Variants in TNFSF4 observed in about 807,000 individuals in gnomAD.
TNFSF4 encodes TNF superfamily member 4.
Under a neutral mutation model 7.3 loss-of-function variants are expected in TNFSF4, and 4 were observed. That is an observed-to-expected ratio of 0.55 (90% CI 0.27 to 1.25). TNFSF4 has a LOEUF of 1.25. Ranked by LOEUF, TNFSF4 falls within the 50% of genes most tolerant of loss-of-function variation. TNFSF4 has a pLI of 0.12. For synonymous variants in TNFSF4, 76 were observed against 83.7 expected (o/e 0.91, Z 0.50); for missense variants, 181 against 208.8 (o/e 0.87, Z 0.82).
the TNFSF4 span, among the ~76,000 whole-genome samples, chr1:173,442,508 T>G: frequency 6.6e-6 from 1 of 152,046 alleles, no homozygotes; most frequent in Non-Finnish European, 1.5e-5. Flanking sequence ...CGGGTTTTTT[T>G]GTTTGTTTGG....
chr1:173,351,520 C>T, the TNFSF4 span, among the ~76,000 whole-genome samples: 1 of 151,762 alleles, frequency 6.6e-6, no homozygotes, highest in South Asian at 2.1e-4. Flanking sequence ...AGGGATTGAA[C>T]TTCATTTTGG....
the TNFSF4 span, among the ~76,000 whole-genome samples, chr1:173,422,959 C>CAT: frequency 4.9e-4 from 67 of 136,808 alleles, no homozygotes; most frequent in South Asian, 3.4e-3. Context: ...ATGTTACATA[C>CAT]ATATATATAT....
At chr1:173,220,186 T>A in the TNFSF4 span, among the ~76,000 whole-genome samples, 9,919 of 151,968 alleles carry the variant, frequency 0.065, 450 homozygotes, top group East Asian at 0.21. Flanking sequence ...AAGTTTTTTT[T>A]AAAAAAAAGC....
chr1:173,403,795 G>A, the TNFSF4 span, among the ~76,000 whole-genome samples: 1 of 152,002 alleles, frequency 6.6e-6, no homozygotes, highest in African/African-American at 2.4e-5. Flanking sequence ...CCAGCTACTT[G>A]GGAGGCTGAG....
At chr1:173,231,011 G>A in the TNFSF4 span, among the ~76,000 whole-genome samples, 1 of 152,154 alleles carries the variant, frequency 6.6e-6, no homozygotes, top group Non-Finnish European at 1.5e-5. Context: ...AATTCTACCA[G>A]AGGTACAAGG....
At chr1:173,410,577 G>T in the TNFSF4 span, among the ~76,000 whole-genome samples, 12 of 152,128 alleles carry the variant, frequency 7.9e-5, no homozygotes, top group African/African-American at 2.7e-4. Flanking sequence ...CAATGGGAGG[G>T]AACATTCAAA....
At chr1:173,378,253 A>G in the TNFSF4 span, among the ~76,000 whole-genome samples, 192 of 150,952 alleles carry the variant, frequency 1.3e-3, no homozygotes, top group Non-Finnish European at 1.7e-3. Flanking sequence ...CTACTGCATC[A>G]GTGAGCACAA....
the TNFSF4 span, among the ~76,000 whole-genome samples, chr1:173,291,518 T>C: frequency 4.6e-5 from 7 of 152,178 alleles, no homozygotes; most frequent in Non-Finnish European, 8.8e-5. Flanking sequence ...GGAAAGTTTA[T>C]AGCACAAAGT....
chr1:173,430,587 TTCTC>T, the TNFSF4 span, among the ~76,000 whole-genome samples: 2 of 152,212 alleles, frequency 1.3e-5, no homozygotes, highest in Admixed American at 1.3e-4. Context: ...GGTATTCACA[TTCTC>T]TAACAGATTC....
At chr1:173,390,970 T>C in the TNFSF4 span, among the ~76,000 whole-genome samples, 2 of 152,016 alleles carry the variant, frequency 1.3e-5, no homozygotes, top group East Asian at 3.9e-4. Flanking sequence ...GGTCTCAAAA[T>C]CCTGAACTCA....
chr1:173,285,047 A>C, the TNFSF4 span, among the ~76,000 whole-genome samples: 18 of 152,286 alleles, frequency 1.2e-4, no homozygotes, highest in Middle Eastern at 6.8e-3. Flanking sequence ...TCCATTGAAA[A>C]CTTTCTGGAA....
chr1:173,201,835 C>A (rs1649954058), intron 1 of TNFSF4, among the ~76,000 whole-genome samples: 1 of 152,066 alleles, frequency 6.6e-6, no homozygotes, highest in Non-Finnish European at 1.5e-5. Flanking sequence ...CAGTTTCAAT[C>A]CAACTCTACC....
chr1:173,308,948 C>T, the TNFSF4 span, among the ~76,000 whole-genome samples: 1 of 151,948 alleles, frequency 6.6e-6, no homozygotes, highest in African/African-American at 2.4e-5. Flanking sequence ...CATCCTTCCA[C>T]TGCATTCCAG....
the TNFSF4 span, among the ~76,000 whole-genome samples, chr1:173,317,070 G>A: frequency 6.6e-6 from 1 of 152,136 alleles, no homozygotes; most frequent in Non-Finnish European, 1.5e-5. Flanking sequence ...AAAACTTGCA[G>A]TTTCTGGGCC....
the TNFSF4 span, among the ~76,000 whole-genome samples, chr1:173,272,418 G>T: frequency 6.6e-6 from 1 of 151,858 alleles, no homozygotes; most frequent in Non-Finnish European, 1.5e-5. Flanking sequence ...GGAAAAAATT[G>T]CATGCCCATT....
chr1:173,428,236 C>G, the TNFSF4 span, among the ~76,000 whole-genome samples: 1 of 152,342 alleles, frequency 6.6e-6, no homozygotes, highest in South Asian at 2.1e-4. Flanking sequence ...TGAGCCACCA[C>G]GCCCGACCTC....
the TNFSF4 span, among the ~76,000 whole-genome samples, chr1:173,247,872 C>A: frequency 6.6e-6 from 1 of 152,098 alleles, no homozygotes; most frequent in African/African-American, 2.4e-5. Context: ...TATAAGCCAG[C>A]AGAAATGATA....
At chr1:173,258,361 C>T in the TNFSF4 span, among the ~76,000 whole-genome samples, 2 of 152,162 alleles carry the variant, frequency 1.3e-5, no homozygotes, top group East Asian at 1.9e-4. Flanking sequence ...AAATGGCCCA[C>T]CCGAGAGCAG....
chr1:173,241,533 C>T, the TNFSF4 span, among the ~76,000 whole-genome samples: 1 of 152,230 alleles, frequency 6.6e-6, no homozygotes, highest in Non-Finnish European at 1.5e-5. Flanking sequence ...GTCTGCACTA[C>T]TCTCTATTCA....
Sources: gnomAD v4.1 joint callset for allele counts (sites outside exome capture counted in the v4.1 genomes callset) on GRCh38, gnomAD v4.1.1 for gene constraint, MANE v1.5 for transcripts, NCBI Gene and HGNC (gene_info 2026-07-23, HGNC 2026-07-21) for gene names.